ADARB2: variants seen among roughly 807,000 people sequenced by gnomAD.
ADARB2 encodes adenosine deaminase RNA specific B2 (inactive).
Under a neutral mutation model 62.2 loss-of-function variants are expected in ADARB2, and 25 were observed. The ratio of observed to expected loss-of-function variants is 0.40; its 90% CI spans 0.29 to 0.56. The LOEUF is 0.56. Among genes scored for constraint, ADARB2 ranks in the 20% least tolerant of loss-of-function variants. ADARB2 has a pLI of 0.43. For synonymous variants in ADARB2, 572 were observed against 500.8 expected, an observed-to-expected ratio of 1.14 and a Z score of -1.90; for missense variants, 1,071 against 1,077.4, an observed-to-expected ratio of 0.99 and a Z score of 0.08.
intron 3 of ADARB2, among the ~76,000 whole-genome samples, chr10:1,271,734 C>T (rs1437224189): frequency 6.6e-6 from 1 of 152,238 alleles, no homozygotes; most frequent in Non-Finnish European, 1.5e-5. Context: ...GGGAAGACAG[C>T]ACACACAGTG....
chr10:1,419,127 CTTG>C (rs2131883878), intron 1 of ADARB2, among the ~76,000 whole-genome samples: 1 of 152,156 alleles, frequency 6.6e-6, no homozygotes, highest in South Asian at 2.1e-4. Flanking sequence ...GAGTTTTGTT[CTTG>C]TTGCCCAGGC....
At chr10:1,564,722 C>T (rs1294593519) in intron 1 of ADARB2, among the ~76,000 whole-genome samples, 1 of 151,568 alleles carries the variant, frequency 6.6e-6, no homozygotes, top group Non-Finnish European at 1.5e-5. Flanking sequence ...TACCATCTCA[C>T]ACCAGTTAGA....
intron 3 of ADARB2, among the ~76,000 whole-genome samples, chr10:1,283,305 C>T (rs992359023): frequency 6.6e-6 from 1 of 152,204 alleles, no homozygotes; most frequent in African/African-American, 2.4e-5. Context: ...TCATTGAAAT[C>T]GTGCTACTTG....
In ADARB2 at chr10:1,217,020, A is replaced by G. The variant is rs1316502129; in HGVS notation, c.1613T>C (p.Val538Ala). ...CAGCAGGACGCCGTCCCAGGTCTGCACTGCGCTGGGGCCACGCACGGGGAC... is the reference window on the plus strand; with the variant it reads ...CAGCAGGACGCCGTCCCAGGTCTGCGCTGCGCTGGGGCCACGCACGGGGAC... Reference protein sequence around the residue: ...GTVPVRGPSAVQTWDGVLLGE... With the variant: ...GTVPVRGPSAAQTWDGVLLGE... Residue 538 changes from valine (V) to alanine (A), a missense_variant, in exon 7 of 10, where the codon GTG becomes GCG. Coordinates refer to ENST00000381312, the MANE Select transcript of ADARB2 (RefSeq NM_018702.4). 2 of 1,611,786 alleles carry G rather than the reference A, an allele frequency of 1.2e-6. No homozygotes were observed. Among genetic ancestry groups the G allele is most frequent in the Non-Finnish European group, 1.7e-6 (2 of 1,179,720 alleles).
rs192270808 is a variant in ADARB2 at position 1,631,630 on chromosome 10, G to A, written c.100+105421C>T. ...CAGTGAGGTGGCTGGCAGATGAATG[G>A]GTCTGGTGATTTGATGGTGTCTGTC... On this transcript the variant is annotated intron_variant, in intron 1 of 9. Transcript: ENST00000381312. Among the ~76,000 whole-genome samples the A allele has an allele frequency of 7.9e-5, 12 of 152,308 alleles. No individual in the cohort carries two copies. In the East Asian group the frequency reaches 2.1e-3, roughly 27 times the overall value.
At chr10:1,576,127 C>CCAGGGTCACGGGAGGGGCAT (rs1564335604) in intron 1 of ADARB2, among the ~76,000 whole-genome samples, 2 of 91,008 alleles carry the variant, frequency 2.2e-5, no homozygotes, top group Non-Finnish European at 4.3e-5. Flanking sequence ...AGGAGGGGGC[C>CCAGGGTCACGGGAGGGGCAT]CAGGGTCACA....
At chr10:1,567,780 C>G (rs1227816289) in intron 1 of ADARB2, among the ~76,000 whole-genome samples, 1 of 152,210 alleles carries the variant, frequency 6.6e-6, no homozygotes, top group African/African-American at 2.4e-5. Context: ...CTACCATGCG[C>G]ACAGCAGGGG....
At chr10:1,362,465 C>A (rs1243789189) in intron 3 of ADARB2, among the ~76,000 whole-genome samples, 2 of 152,216 alleles carry the variant, frequency 1.3e-5, no homozygotes, top group African/African-American at 4.8e-5. Flanking sequence ...TGAAGGTAAT[C>A]GCAGGTTAGA....
intron 1 of ADARB2, among the ~76,000 whole-genome samples, chr10:1,380,244 T>G (rs1215475924): frequency 2.0e-5 from 3 of 152,230 alleles, no homozygotes; most frequent in African/African-American, 7.2e-5. Flanking sequence ...TCAGCGTTGC[T>G]CATCCAACAC....
chr10:1,188,919 T>A (rs1216938870), intron 8 of ADARB2, among the ~76,000 whole-genome samples: 1 of 152,256 alleles, frequency 6.6e-6, no homozygotes, highest in African/African-American at 2.4e-5. Flanking sequence ...AGAAGTTTCC[T>A]TCTCCAGTGC....
chr10:1,432,774 T>G (rs1358060131), intron 1 of ADARB2, among the ~76,000 whole-genome samples: 1 of 152,070 alleles, frequency 6.6e-6, no homozygotes, highest in African/African-American at 2.4e-5. Flanking sequence ...CTCCACTTTC[T>G]CTTTTGCTTT....
chr10:1,350,406 C>T (rs1211413935), intron 3 of ADARB2, among the ~76,000 whole-genome samples: 5 of 152,146 alleles, frequency 3.3e-5, no homozygotes, highest in Admixed American at 6.5e-5. Context: ...CTCGCCAGAC[C>T]GAGCTAGGTC....
At chr10:1,684,304 CT>C (rs1378683570) in intron 1 of ADARB2, among the ~76,000 whole-genome samples, 1 of 152,222 alleles carries the variant, frequency 6.6e-6, no homozygotes, top group Non-Finnish European at 1.5e-5. Context: ...TGCATTCAAA[CT>C]TCCAGGGCCT....
chr10:1,637,894 G>T (rs1002480316), intron 1 of ADARB2, among the ~76,000 whole-genome samples: 1 of 152,206 alleles, frequency 6.6e-6, no homozygotes, highest in Admixed American at 6.5e-5. Context: ...TGGAAAAGTA[G>T]AAATTAAAAT....
At chr10:1,698,694 T>C (rs1252110117) in intron 1 of ADARB2, among the ~76,000 whole-genome samples, 2 of 151,986 alleles carry the variant, frequency 1.3e-5, no homozygotes, top group African/African-American at 4.8e-5. Flanking sequence ...CATTCAAAAA[T>C]AGACTTAATT....
intron 1 of ADARB2, among the ~76,000 whole-genome samples, chr10:1,690,217 A>G (rs1243030663): frequency 2.0e-5 from 3 of 152,252 alleles, no homozygotes; most frequent in Non-Finnish European, 4.4e-5. Context: ...TCGTAGGAGC[A>G]CATGCTCAGC....
chr10:1,457,587 C>T (rs10903454), intron 1 of ADARB2, among the ~76,000 whole-genome samples: 78,637 of 152,018 alleles, frequency 0.52, 23,670 homozygotes, highest in Non-Finnish European at 0.68. Context: ...AGCTGAGCCA[C>T]GCAATACTGC....
intron 3 of ADARB2, among the ~76,000 whole-genome samples, chr10:1,286,188 C>T (rs981680173): frequency 1.2e-4 from 18 of 152,102 alleles, no homozygotes; most frequent in Non-Finnish European, 2.2e-4. Context: ...GGACACACCT[C>T]GAAGCCCCCT....
chr10:1,407,228 C>T (rs1011834540), intron 1 of ADARB2, among the ~76,000 whole-genome samples: 5 of 152,228 alleles, frequency 3.3e-5, no homozygotes, highest in African/African-American at 9.6e-5. Context: ...AGCACAGGAA[C>T]AGCCGGGCAG....
Sources: gnomAD v4.1 joint callset for allele counts (sites outside exome capture counted in the v4.1 genomes callset) on GRCh38, gnomAD v4.1.1 for gene constraint, MANE v1.5 for transcripts, NCBI Gene and HGNC (gene_info 2026-07-23, HGNC 2026-07-21) for gene names.